CCPG1: variants seen among roughly 807,000 people sequenced by gnomAD.
The protein encoded by CCPG1 is cell cycle progression 1, also known as cell cycle progression protein 1.
A neutral mutation model predicts 81.3 loss-of-function variants in CCPG1; 46 were observed. The observed-to-expected ratio is 0.57, with a 90% CI of 0.45 to 0.72. CCPG1 has a LOEUF of 0.72. CCPG1 is among the 30% of genes least tolerant of loss of function. The pLI is 0.00. For synonymous variants in CCPG1, 330 were observed against 305.2 expected (o/e 1.08, Z -0.85); for missense variants, 902 against 937.6 (o/e 0.96, Z 0.50).
chr15:55,394,246 A>C (rs964707100), intron 1 of CCPG1, among the ~76,000 whole-genome samples: 1 of 152,188 alleles, frequency 6.6e-6, no homozygotes, highest in Non-Finnish European at 1.5e-5. Flanking sequence ...TCGGCCTCCC[A>C]AAGTGCTGGG....
chr15:55,375,157 A>G (rs1212107094), intron 5 of CCPG1, among the ~76,000 whole-genome samples: 1 of 152,248 alleles, frequency 6.6e-6, no homozygotes, highest in Non-Finnish European at 1.5e-5. Flanking sequence ...GAAGATAAAT[A>G]TTAGAAGAAT....
intron 4 of CCPG1, 71 bp downstream of exon 4, chr15:55,378,228 GA>G (rs2056606487): frequency 2.2e-6 from 2 of 921,226 alleles, no homozygotes; most frequent in Non-Finnish European, 3.3e-6. Context: ...TGCATAAATA[GA>G]ATTAGAGGCT....
chr15:55,390,745 T>TC (rs775883062), intron 1 of CCPG1, among the ~76,000 whole-genome samples: 14 of 151,394 alleles, frequency 9.2e-5, no homozygotes, highest in Non-Finnish European at 2.1e-4. Context: ...TCCTGTACAT[T>TC]AATATTTCAA....
In CCPG1 at chr15:55,389,435, T is replaced by C. The variant is rs1325307269; in HGVS notation, c.-9-2A>G. 2 of 1,602,440 alleles carry C rather than the reference T, an allele frequency of 1.2e-6. No homozygotes were observed. Among genetic ancestry groups the C allele is most frequent in the East Asian group, 2.2e-5 (1 of 44,762 alleles). On this transcript the variant is annotated splice_acceptor_variant, in intron 1 of 8. Coordinates refer to ENST00000442196, the MANE Select transcript of CCPG1 (RefSeq NM_001204450.2). LOFTEE classifies it low-confidence loss of function (5UTR_SPLICE). Reference sequence around the variant, plus strand: ...GGAATTTTCAGACATCTTTCAGGTCTACAAATACAAAAACATATTGACTCA... The same window carrying C: ...GGAATTTTCAGACATCTTTCAGGTCCACAAATACAAAAACATATTGACTCA...
In CCPG1 at chr15:55,356,123, ACATTGTCATCTTGGTAATTT is replaced by A; in HGVS notation, c.*77_*96del. On this transcript the variant is annotated 3_prime_UTR_variant, in exon 9 of 9. Coordinates refer to ENST00000442196, the MANE Select transcript of CCPG1 (RefSeq NM_001204450.2). ...CTGATACTTAGAAACAAAAGAAAAG[ACATTGTCATCTTGGTAATTT>A]CATTAGTTTCAATACCAAACATTAT... 1 of 892,964 alleles carries A rather than the reference ACATTGTCATCTTGGTAATTT, an allele frequency of 1.1e-6. No individual in the cohort carries two copies. Among genetic ancestry groups the A allele is most frequent in the Non-Finnish European group, 1.7e-6 (1 of 599,650 alleles). The allele number at this position is 892,964 out of a possible 1,614,324, so 55.3% of individuals were successfully genotyped here.
chr15:55,399,343 A>C (rs2057080999), intron 1 of CCPG1, among the ~76,000 whole-genome samples: 1 of 151,244 alleles, frequency 6.6e-6, no homozygotes, highest in African/African-American at 2.4e-5. Flanking sequence ...TATTAAAAAG[A>C]TCAACTGTCA....
Position 55,371,863 on chromosome 15 carries a change from A to G in CCPG1, c.636T>C (p.Ser212=). 1.2e-6 allele frequency: 2 copies of G among 1,613,988 alleles called. No individual in the cohort carries two copies. Among genetic ancestry groups the G allele is most frequent in the Non-Finnish European group, 1.7e-6 (2 of 1,179,882 alleles). The part of the protein sequence containing the change: ...PSKELSKRQF[S]SGLNKCVILA... ...GTATAACACACTTATTGAGACCACT[A>G]CTGAACTGACGTTTACTCAACTCCT... is the stretch of plus-strand genomic sequence containing the variant. The change falls in exon 6 of 9, where the codon AGT becomes AGC. Residue 212 remains serine, a synonymous_variant. Coordinates refer to ENST00000442196, the MANE Select transcript of CCPG1 (RefSeq NM_001204450.2).
intron 1 of CCPG1, among the ~76,000 whole-genome samples, chr15:55,402,744 G>C (rs1458884641): frequency 2.0e-5 from 3 of 152,146 alleles, no homozygotes; most frequent in Non-Finnish European, 4.4e-5. Flanking sequence ...ATTCAATGTA[G>C]TCTCATTGTT....
At chr15:55,378,433 T>A (rs955931361) in intron 3 of CCPG1, 57 bp from the exon 4 acceptor site, 3 of 1,057,204 alleles carry the variant, frequency 2.8e-6, no homozygotes, top group Non-Finnish European at 4.2e-6. Flanking sequence ...CTCTGTTGAC[T>A]TTCTGCAGCC....
At chr15:55,383,660 A>G (rs948337826) in intron 3 of CCPG1, among the ~76,000 whole-genome samples, 1 of 152,230 alleles carries the variant, frequency 6.6e-6, no homozygotes, top group Non-Finnish European at 1.5e-5. Flanking sequence ...CGCCTTCTAC[A>G]TCAGCACTTG....
At chr15:55,358,212 G>T in intron 8 of CCPG1, 1 of 260,114 alleles carries the variant, frequency 3.8e-6, no homozygotes, top group Non-Finnish European at 6.0e-6. Flanking sequence ...TGCTGAGATT[G>T]GTAAGATCTA....
intron 2 of CCPG1, among the ~76,000 whole-genome samples, chr15:55,386,036 A>G (rs1336534111): frequency 6.6e-6 from 1 of 152,164 alleles, no homozygotes; most frequent in East Asian, 1.9e-4. Flanking sequence ...ATTTGTTTCT[A>G]CTTAACATTT....
At chr15:55,375,475 A>G (rs188540562) in intron 5 of CCPG1, among the ~76,000 whole-genome samples, 55 of 152,010 alleles carry the variant, frequency 3.6e-4, no homozygotes, top group Admixed American at 3.1e-3. Flanking sequence ...ATGACTAACA[A>G]GGATTCTAAA....
At position 55,389,485 on chromosome 15, in the gene CCPG1, T is replaced by C; in HGVS notation, c.-9-52A>G. 17 of 1,261,130 alleles carry C rather than the reference T, an allele frequency of 1.3e-5. No homozygotes were observed. In the South Asian group the frequency reaches 1.7e-4, roughly 13 times the overall value. 78.1% of individuals were successfully genotyped at this position (1,261,130 alleles called of 1,614,324 possible). ...ATGAGACACATTTTTTTTAATTCTA[T>C]AGGAAGCACTATATGTGACACTAAG... On this transcript the variant is annotated intron_variant, in intron 1 of 8. Transcript: ENST00000442196.
chr15:55,384,102 T>C (rs1330992061), intron 3 of CCPG1, among the ~76,000 whole-genome samples: 1 of 152,198 alleles, frequency 6.6e-6, no homozygotes, highest in African/African-American at 2.4e-5. Flanking sequence ...TCCTTTCACC[T>C]GAACACCTGG....
chr15:55,391,951 A>G (rs1207087347), intron 1 of CCPG1, among the ~76,000 whole-genome samples: 1 of 147,420 alleles, frequency 6.8e-6, no homozygotes, highest in Non-Finnish European at 1.5e-5. Context: ...GCCAAGACGG[A>G]AGGACCGCTC....
Position 55,359,805 on chromosome 15 carries a change from A to C in CCPG1, c.1968T>G (p.Phe656Leu). 2 of 1,613,328 alleles carry C rather than the reference A, an allele frequency of 1.2e-6. No homozygotes were observed. The highest frequency in any genetic ancestry group is 1.7e-6 in the Non-Finnish European group (2 of 1,179,836). The part of the protein sequence containing the change: ...TVVNPIRMDE[F>L]RQIIQRYMLK... ...ACATGTACCTTTGAATTATCTGTCT[A>C]AATTCATCCATCCTTATAGGATTCA... Residue 656 changes from phenylalanine to leucine, a missense_variant, in exon 8 of 9, where the codon TTT becomes TTG. Transcript: ENST00000442196.
At chr15:55,364,355 A>C (rs867883472) in intron 7 of CCPG1, among the ~76,000 whole-genome samples, 2 of 150,730 alleles carry the variant, frequency 1.3e-5, no homozygotes, top group Non-Finnish European at 3.0e-5. Flanking sequence ...GATCAAGAGA[A>C]GATCTTAGAG....
intron 1 of CCPG1, among the ~76,000 whole-genome samples, chr15:55,402,726 G>T (rs553296310): frequency 6.6e-6 from 1 of 152,166 alleles, no homozygotes; most frequent in East Asian, 1.9e-4. Context: ...GAGGACCTGA[G>T]ATTTCACATT....
Sources: gnomAD v4.1 joint callset for allele counts (sites outside exome capture counted in the v4.1 genomes callset) on GRCh38, gnomAD v4.1.1 for gene constraint, MANE v1.5 for transcripts, NCBI Gene and HGNC (gene_info 2026-07-23, HGNC 2026-07-21) for gene names.